The following ARSG variants were observed in gnomAD, a reference collection of about 807,000 sequenced individuals.
ARSG encodes the protein arylsulfatase G, also known as ASG.
ARSG carries 37 observed loss-of-function variants against 50.5 expected under a neutral mutation model. That is an observed-to-expected ratio of 0.73 (90% CI 0.56 to 0.96). ARSG has a LOEUF of 0.96. Ranked by LOEUF, ARSG falls within the 50% of genes least tolerant of loss-of-function variation. ARSG has a pLI of 0.00. For missense variants in ARSG, 629 were observed against 675.3 expected (o/e 0.93, Z 0.76); for synonymous variants, 225 against 254.6 (o/e 0.88, Z 1.11).
At chr17:68,340,445 C>T (rs916410154) in intron 2 of ARSG, among the ~76,000 whole-genome samples, 3 of 151,852 alleles carry the variant, frequency 2.0e-5, no homozygotes, top group Admixed American at 6.6e-5. Flanking sequence ...CCACCATGTC[C>T]GGCTATTTTT....
At chr17:68,292,788 G>C (rs1333731323) in intron 1 of ARSG, among the ~76,000 whole-genome samples, 1 of 152,300 alleles carries the variant, frequency 6.6e-6, no homozygotes, top group South Asian at 2.1e-4. Context: ...GGTTGTGTAA[G>C]TGGGGAGAAG....
At chr17:68,389,070 G>A (rs1367053666) in intron 9 of ARSG, among the ~76,000 whole-genome samples, 2 of 152,230 alleles carry the variant, frequency 1.3e-5, no homozygotes, top group Admixed American at 1.3e-4. Flanking sequence ...GAAGGCACCG[G>A]TCTTGGAAGT....
In ARSG at chr17:68,329,460, G is replaced by C. The variant is rs56749245; in HGVS notation, c.219-14144G>C. On this transcript the variant is annotated intron_variant, in intron 2 of 11. Coordinates refer to ENST00000621439, the MANE Select transcript of ARSG (RefSeq NM_001267727.2). ...TTGTGCTGTAAGGGGACTGCTTTCC[G>C]TGGAGCTGGGCGGGTAACAGACAGA... Among the ~76,000 whole-genome samples the C allele has an allele frequency of 9.2e-5, 14 of 152,268 alleles. No homozygotes were observed. The East Asian group carries it at 2.3e-3, about 25-fold the overall frequency.
chr17:68,419,796 GAA>G (rs34363131), intron 11 of ARSG, among the ~76,000 whole-genome samples: 1 of 137,294 alleles, frequency 7.3e-6, no homozygotes, highest in Non-Finnish European at 1.6e-5. Flanking sequence ...CCTGTCTCTG[GAA>G]AAAAAAAAAA....
chr17:68,293,919 C>T (rs2076113227), intron 1 of ARSG, among the ~76,000 whole-genome samples: 1 of 152,162 alleles, frequency 6.6e-6, no homozygotes, highest in African/African-American at 2.4e-5. Flanking sequence ...CACCTTGTTC[C>T]CTCAATCCTA....
At position 68,271,091 on chromosome 17, in the gene ARSG, G is replaced by A. The variant is rs782623479; in HGVS notation, c.-552+11665G>A. ...CAGATGAGCTCAATGTAAATCTTACGAATGGGCTCCCTGTTGAGGACAAAA... is the reference window on the plus strand; with the variant it reads ...CAGATGAGCTCAATGTAAATCTTACAAATGGGCTCCCTGTTGAGGACAAAA... On this transcript the variant is annotated intron_variant, in intron 1 of 11. Coordinates refer to the ARSG transcript ENST00000448504. The surrounding 1 kb of genome is among the most constrained non-coding windows in gnomAD (Gnocchi z 5.3). 15 of 1,614,034 alleles carry A rather than the reference G, an allele frequency of 9.3e-6. No individual in the cohort carries two copies. Among genetic ancestry groups the A allele is most frequent in the Admixed American group, 3.3e-5 (2 of 60,002 alleles).
At chr17:68,369,276 T>TA (rs1394460650) in intron 7 of ARSG, among the ~76,000 whole-genome samples, 1 of 152,130 alleles carries the variant, frequency 6.6e-6, no homozygotes, top group East Asian at 1.9e-4. Flanking sequence ...GACTCACACC[T>TA]ATAATCTAAT....
chr17:68,400,221 C>T (rs2081414495), intron 10 of ARSG: 1 of 152,244 alleles, frequency 6.6e-6, no homozygotes, highest in Non-Finnish European at 1.5e-5. Context: ...ATGCTTTTAG[C>T]CCAGACCCAC....
the ARSG span, chr17:68,434,543 A>G: frequency 2.5e-6 from 4 of 1,613,700 alleles, no homozygotes; most frequent in Non-Finnish European, 3.4e-6. Context: ...TGGGTTTGAC[A>G]TTGAACACAG....
At chr17:68,363,722 C>G (rs957012832) in intron 6 of ARSG, among the ~76,000 whole-genome samples, 1 of 152,106 alleles carries the variant, frequency 6.6e-6, no homozygotes, top group African/African-American at 2.4e-5. Context: ...CTGCCTCGGC[C>G]TCCCAAAGTG....
At chr17:68,315,676 A>G (rs1436137715) in intron 2 of ARSG, among the ~76,000 whole-genome samples, 1 of 152,136 alleles carries the variant, frequency 6.6e-6, no homozygotes, top group Non-Finnish European at 1.5e-5. Flanking sequence ...TCTATCGCCT[A>G]GGCTGGAGTG....
chr17:68,443,113 T>G, the ARSG span, among the ~76,000 whole-genome samples: 1 of 152,196 alleles, frequency 6.6e-6, no homozygotes, highest in African/African-American at 2.4e-5. Context: ...TATTTTTAAT[T>G]TATTCATTGT....
At chr17:68,437,005 A>ATATATATATATATAT in the ARSG span, among the ~76,000 whole-genome samples, 1 of 107,264 alleles carries the variant, frequency 9.3e-6, no homozygotes, top group East Asian at 2.2e-4. Flanking sequence ...AAAAAAAAAA[A>ATATATATATATATAT]ATATATATAT....
rs78388256 is a variant in ARSG at position 68,393,351 on chromosome 17, C to T, written c.1092-1722C>T. On this transcript the variant is annotated intron_variant, in intron 9 of 11. Coordinates refer to ENST00000621439, the MANE Select transcript of ARSG (RefSeq NM_001267727.2). Reference sequence around the variant, plus strand: ...GCCCTGGACGAGTCCGCCCTTTGTCCGGTGGATCCACGCTGTATACGCTAC... The same window carrying T: ...GCCCTGGACGAGTCCGCCCTTTGTCTGGTGGATCCACGCTGTATACGCTAC... Among the ~76,000 whole-genome samples, 537 of 152,226 alleles carry T rather than the reference C, an allele frequency of 3.5e-3. 2 individuals carry two copies. The highest frequency in any genetic ancestry group is 5.1e-3 in the Non-Finnish European group (349 of 68,012).
At chr17:68,325,024 T>G (rs1599726173) in intron 2 of ARSG, among the ~76,000 whole-genome samples, 2 of 152,138 alleles carry the variant, frequency 1.3e-5, no homozygotes, top group African/African-American at 2.4e-5. Context: ...TTCATTGATA[T>G]ATCCTGGATC....
At chr17:68,318,026 G>A (rs1245910437) in intron 2 of ARSG, among the ~76,000 whole-genome samples, 1 of 152,116 alleles carries the variant, frequency 6.6e-6, no homozygotes, top group African/African-American at 2.4e-5. Context: ...TTGAACCCGG[G>A]AGGTGGAGGT....
At chr17:68,272,959 G>T (rs1555749562) in intron 1 of ARSG, among the ~76,000 whole-genome samples, 1 of 151,710 alleles carries the variant, frequency 6.6e-6, no homozygotes, top group Non-Finnish European at 1.5e-5. Flanking sequence ...AAACTTCAGT[G>T]GTTGTTTGGG....
chr17:68,430,143 G>C, the ARSG span: 2 of 1,613,420 alleles, frequency 1.2e-6, no homozygotes, highest in South Asian at 1.1e-5. Flanking sequence ...ACTCCAGGTC[G>C]AAGGCTCTTC....
chr17:68,356,833 C>G, intron 6 of ARSG, 29 bp downstream of exon 6: 1 of 1,613,346 alleles, frequency 6.2e-7, no homozygotes, highest in Non-Finnish European at 8.5e-7. Context: ...TCCGCAGGGC[C>G]TCCCCCTGCC....
Sources: allele counts gnomAD v4.1 joint callset (sites outside exome capture counted in the v4.1 genomes callset), GRCh38; gene constraint gnomAD v4.1.1; non-coding constraint Gnocchi (gnomAD v3.1); transcripts MANE v1.5; gene names NCBI Gene and HGNC (gene_info 2026-07-23, HGNC 2026-07-21).